Variants in ANTXRL observed in about 807,000 individuals in gnomAD.
ANTXRL encodes ANTXR like.
ANTXRL carries 63 observed loss-of-function variants against 75.4 expected under a neutral mutation model. That is an observed-to-expected ratio of 0.84 (90% CI 0.68 to 1.03). The LOEUF (loss-of-function observed/expected upper bound fraction) is 1.03, where lower values mean the gene tolerates loss of function less well. Among genes scored for constraint, ANTXRL ranks in the 50% least tolerant of loss-of-function variants. The pLI is 0.00. For synonymous variants in ANTXRL, 335 were observed against 291.3 expected, an observed-to-expected ratio of 1.15 and a Z score of -1.53; for missense variants, 797 against 789.4, an observed-to-expected ratio of 1.01 and a Z score of -0.12.
Position 46,292,097 on chromosome 10 carries a change from G to A in ANTXRL, c.288G>A (p.Met96Ile). The change falls in exon 2 of 17, where the codon ATG becomes ATA. Residue 96 changes from methionine to isoleucine, a missense_variant. Physicochemically the swap from Met to Ile is conservative, Grantham distance 10 (BLOSUM62 1). Coordinates refer to ENST00000620264, the MANE Select transcript of ANTXRL (RefSeq NM_001278688.3). ...SVNNNWIDLY[M>I]WVEETVARFQ... Reference sequence around the variant, plus strand: ...ACAATAACTGGATTGACCTTTATATGTGGGTGGAGGAAACAGTGGCGAGGT... The same window carrying A: ...ACAATAACTGGATTGACCTTTATATATGGGTGGAGGAAACAGTGGCGAGGT... 8 of 1,536,348 alleles carry A rather than the reference G, an allele frequency of 5.2e-6. No individual in the cohort carries two copies. The highest frequency in any genetic ancestry group is 7.0e-6 in the Non-Finnish European group (8 of 1,146,826).
At chr10:46,328,107 C>T (rs1554966843) in intron 16 of ANTXRL, among the ~76,000 whole-genome samples, 1 of 152,118 alleles carries the variant, frequency 6.6e-6, no homozygotes. Flanking sequence ...ATGGGCTCAG[C>T]TTTCTGCCAG....
intron 5 of ANTXRL, 43 bp downstream of exon 5, chr10:46,296,295 G>A: frequency 6.5e-7 from 1 of 1,530,928 alleles, no homozygotes; most frequent in Non-Finnish European, 8.8e-7. Flanking sequence ...AGGGGGAACA[G>A]AGCTGGGTGT....
chr10:46,287,383 C>T lies in ANTXRL; in HGVS notation c.121C>T (p.His41Tyr). ...CCATGGACCTGACTGGAGAATATTT[C>T]ACCGCCTGGCCCTGGGCTCCAGGAG... ...RYHGPDWRIF[H>Y]RLALGSRRAH... The change falls in exon 1 of 17, where the codon CAC becomes TAC. Residue 41 changes from histidine to tyrosine, a missense_variant. By Grantham distance (83) the His-to-Tyr change is moderately conservative. Around this residue, in one of 3 missense-constraint regions of ANTXRL, gnomAD observed 262 missense variants for 271.9 expected, o/e 0.96. Transcript: ENST00000620264. 6.5e-7 allele frequency: 1 copy of T among 1,535,998 alleles called. No individual in the cohort carries two copies. The highest frequency in any genetic ancestry group is 1.2e-5 in the South Asian group (1 of 84,050).
chr10:46,310,347 C>A, intron 13 of ANTXRL, 114 bp from the exon 14 acceptor site: 3 of 1,017,350 alleles, frequency 2.9e-6, no homozygotes, highest in Non-Finnish European at 4.4e-6. Context: ...AGTGACACCC[C>A]AAAGGCAGTG....
chr10:46,298,864 C>A (rs1837546645), intron 9 of ANTXRL, among the ~76,000 whole-genome samples: 1 of 148,912 alleles, frequency 6.7e-6, no homozygotes. Flanking sequence ...TGTTTGTGGT[C>A]CAGTGTGCAT....
chr10:46,289,388 C>A (rs1434825202), intron 1 of ANTXRL, among the ~76,000 whole-genome samples: 1 of 152,166 alleles, frequency 6.6e-6, no homozygotes, highest in East Asian at 1.9e-4. Context: ...CAGTGTTGTG[C>A]AATCACCACC....
intron 9 of ANTXRL, among the ~76,000 whole-genome samples, chr10:46,300,547 G>C (rs186316515): frequency 0.025 from 3,610 of 142,664 alleles, 139 homozygotes; most frequent in African/African-American, 0.09. Context: ...GAGGCTCTTA[G>C]CAGAACCCCC....
chr10:46,306,711 A>T (rs1349867082), intron 10 of ANTXRL, 92 bp from the exon 11 acceptor site: 19 of 1,144,558 alleles, frequency 1.7e-5, no homozygotes, highest in South Asian at 1.5e-4. Flanking sequence ...GTCCTGGGCC[A>T]CAGGGTCAGC....
chr10:46,292,145 T>C lies in ANTXRL; in HGVS notation c.320+16T>C. 6.5e-7 allele frequency: 1 copy of C among 1,535,600 alleles called. No individual in the cohort carries two copies. Among genetic ancestry groups the C allele is most frequent in the Non-Finnish European group, 8.7e-7 (1 of 1,146,350 alleles). On this transcript the variant is annotated intron_variant, in intron 2 of 16. Coordinates refer to ENST00000620264, the MANE Select transcript of ANTXRL (RefSeq NM_001278688.3). ...GGTTCCAAAGGTACAGATCTCTGCATGGCAGCCTCCCCTGAGCTGCAGAGA... is the reference window on the plus strand; with the variant it reads ...GGTTCCAAAGGTACAGATCTCTGCACGGCAGCCTCCCCTGAGCTGCAGAGA...
At chr10:46,315,588 C>T (rs1554964517) in intron 16 of ANTXRL, among the ~76,000 whole-genome samples, 1 of 152,182 alleles carries the variant, frequency 6.6e-6, no homozygotes, top group African/African-American at 2.4e-5. Context: ...GCCTCTTTCT[C>T]CACCCATGCC....
In ANTXRL at chr10:46,329,661, G is replaced by A. The variant is rs1554967121; in HGVS notation, c.1473G>A (p.Arg491=). The change falls in exon 17 of 17, where the codon AGG becomes AGA. Residue 491 remains arginine, a synonymous_variant. Transcript: ENST00000620264. ...ATGCACAGGCTCCCTGCTGCCCAAG[G>A]ATCTGCTTTCCACACAGCCAGGAGT... ...SQYAQAPCCP[R]ICFPHSQECL... is the part of the protein sequence containing the mutation. The A allele has an allele frequency of 1.3e-6, 2 of 1,536,406 alleles. No homozygotes were observed. Among genetic ancestry groups the A allele is most frequent in the African/African-American group, 1.4e-5 (1 of 73,104 alleles).
intron 16 of ANTXRL, among the ~76,000 whole-genome samples, chr10:46,327,281 G>A (rs1251688625): frequency 1.3e-5 from 2 of 152,130 alleles, no homozygotes; most frequent in East Asian, 1.9e-4. Flanking sequence ...GGAGGGACTG[G>A]ATCCTGCCAG....
At chr10:46,321,778 C>A (rs1050483441) in intron 16 of ANTXRL, among the ~76,000 whole-genome samples, 4 of 152,114 alleles carry the variant, frequency 2.6e-5, no homozygotes, top group Non-Finnish European at 4.4e-5. Context: ...GGGGCATATG[C>A]TTTCCAGTGA....
At position 46,295,954 on chromosome 10, in the gene ANTXRL, C is replaced by T; in HGVS notation, c.393-65C>T. 2.2e-6 allele frequency: 3 copies of T among 1,347,140 alleles called. 1 individual carries two copies. The South Asian group carries it at 3.7e-5, about 17-fold the overall frequency. 83.4% of individuals were successfully genotyped at this position (1,347,140 alleles called of 1,614,324 possible). On this transcript the variant is annotated intron_variant, in intron 3 of 16. Coordinates refer to ENST00000620264, the MANE Select transcript of ANTXRL (RefSeq NM_001278688.3). Reference sequence around the variant, plus strand: ...GCAAAGAACAGTGGCTCCCGGAGAGCTTGGGAGCTGATTTTTAACAGTCAA... The same window carrying T: ...GCAAAGAACAGTGGCTCCCGGAGAGTTTGGGAGCTGATTTTTAACAGTCAA...
chr10:46,318,860 A>G (rs1838855915), intron 16 of ANTXRL, among the ~76,000 whole-genome samples: 1 of 152,178 alleles, frequency 6.6e-6, no homozygotes, highest in African/African-American at 2.4e-5. Context: ...CCTCAGAATC[A>G]GGACAGACTC....
At chr10:46,320,315 G>C (rs1489025149) in intron 16 of ANTXRL, among the ~76,000 whole-genome samples, 2 of 152,158 alleles carry the variant, frequency 1.3e-5, no homozygotes, top group Non-Finnish European at 2.9e-5. Flanking sequence ...AAATTTTGTA[G>C]CCAGACAGAC....
chr10:46,291,507 T>TGC (rs1836981996), intron 1 of ANTXRL, among the ~76,000 whole-genome samples: 1 of 152,132 alleles, frequency 6.6e-6, no homozygotes, highest in Non-Finnish European at 1.5e-5. Context: ...TACATTGTTA[T>TGC]CTTAACAATA....
At chr10:46,286,795 C>G (rs1836784299), upstream of ANTXRL, among the ~76,000 whole-genome samples, 1 of 152,162 alleles carries the variant, frequency 6.6e-6, no homozygotes. Context: ...CCTCACCTAA[C>G]TCACCTGGGC....
upstream of ANTXRL, chr10:46,286,869 T>C (rs782407328): frequency 1.1e-5 from 3 of 262,606 alleles, no homozygotes; most frequent in Admixed American, 5.0e-5. Flanking sequence ...AGGGCTGTTA[T>C]AAGGGAAATG....
Sources: gnomAD v4.1 joint callset for allele counts (sites outside exome capture counted in the v4.1 genomes callset) on GRCh38, gnomAD v4.1.1 for gene constraint, gnomAD v4.1.1 regional missense constraint, MANE v1.5 for transcripts, NCBI Gene and HGNC (gene_info 2026-07-23, HGNC 2026-07-21) for gene names.